Variants in MTMR1 observed in about 807,000 individuals in gnomAD.
The protein encoded by MTMR1 is phosphatidylinositol-3-phosphate phosphatase MTMR1.
A neutral mutation model predicts 51.6 loss-of-function variants in MTMR1; 17 were observed. The ratio of observed to expected loss-of-function variants is 0.33; its 90% CI spans 0.23 to 0.49. The LOEUF (loss-of-function observed/expected upper bound fraction) is 0.49. MTMR1 is among the 20% of genes least tolerant of loss of function. The pLI, the probability that MTMR1 is intolerant of heterozygous loss-of-function variation, is 0.99. For synonymous variants in MTMR1, 201 were observed against 205.6 expected (o/e 0.98, Z 0.19); for missense variants, 386 against 526.9 (o/e 0.73, Z 2.62).
At chrX:150,711,367 G>C (rs1178896411) in intron 2 of MTMR1, among the ~76,000 whole-genome samples, 1 of 112,271 alleles carries the variant, frequency 8.9e-6, no homozygotes, top group East Asian at 2.8e-4. Flanking sequence ...TGCATTCTGA[G>C]TGAAACCATA....
chrX:150,733,465 G>A (rs781892863), intron 10 of MTMR1, among the ~76,000 whole-genome samples: 6 of 110,860 alleles, frequency 5.4e-5, no homozygotes, highest in Non-Finnish European at 1.1e-4. Flanking sequence ...TCCTAAGGTT[G>A]AGACTGGATT....
chrX:150,751,235 C>G, intron 14 of MTMR1: 1 of 784,344 alleles, frequency 1.3e-6, no homozygotes, highest in Non-Finnish European at 1.5e-6. Flanking sequence ...AAAAAGCCCA[C>G]TTTAGGTAGC....
intron 1 of MTMR1, among the ~76,000 whole-genome samples, chrX:150,698,726 A>ACAC (rs1557415823): frequency 3.8e-5 from 4 of 106,545 alleles, no homozygotes; most frequent in African/African-American, 3.4e-5. Flanking sequence ...ACACACACAC[A>ACAC]AAAGCCGGGC....
intron 12 of MTMR1, among the ~76,000 whole-genome samples, chrX:150,742,834 A>AAAAAAAAAAAAAAAAAAAAG (rs1557417357): frequency 9.8e-6 from 1 of 101,889 alleles, no homozygotes; most frequent in African/African-American, 3.9e-5. Context: ...AAAAAAAAAA[A>AAAAAAAAAAAAAAAAAAAAG]AAAGAAAGAA....
At chrX:150,728,760 G>A (rs1402763018) in intron 6 of MTMR1, among the ~76,000 whole-genome samples, 2 of 110,363 alleles carry the variant, frequency 1.8e-5, no homozygotes, top group African/African-American at 3.3e-5. Context: ...GATCATCAGC[G>A]CCCCTTCCAA....
At chrX:150,714,526 TCAG>T in intron 3 of MTMR1, 2 of 981,088 alleles carry the variant, frequency 2.0e-6, no homozygotes, top group Non-Finnish European at 2.7e-6. Context: ...CTGAAGCTGA[TCAG>T]GTGGCAAGTT....
rs926191277 is a variant in MTMR1 at position 150,764,497 on chromosome X, C to T, written c.*1768C>T. On this transcript the variant is annotated 3_prime_UTR_variant, in exon 16 of 16. Coordinates refer to ENST00000445323, the MANE Select transcript of MTMR1 (RefSeq NM_001306144.3). ...ATTTTTTTTTTAATGGGGACATTTG[C>T]CATTTTCTTCCCAGAAATATGTAAT... 1 of 111,115 alleles carries T rather than the reference C, an allele frequency of 9.0e-6. No individual in the cohort carries two copies. Among genetic ancestry groups the T allele is most frequent in the South Asian group, 3.8e-4 (1 of 2,619 alleles). 9.2% of individuals were successfully genotyped at this position (111,115 alleles called of 1,213,427 possible).
At chrX:150,734,973 A>G (rs1448615268) in intron 10 of MTMR1, among the ~76,000 whole-genome samples, 5 of 112,439 alleles carry the variant, frequency 4.4e-5, no homozygotes, top group Non-Finnish European at 3.8e-5. Context: ...ATCTTGGAGT[A>G]GGGTTGGCCC....
rs10559430 is a variant in MTMR1 at position 150,698,971 on chromosome X, CTTTG to C, written c.147-219_147-216del. ...CTTAACTAACACCTAGAATCTTCAA[CTTTG>C]TTTGAGAAAATTGGGTGATTCATTT... On this transcript the variant is annotated intron_variant, in intron 1 of 15. Coordinates refer to ENST00000445323, the MANE Select transcript of MTMR1 (RefSeq NM_001306144.3). 0.14 allele frequency among the ~76,000 whole-genome samples: 15,735 copies of C among 111,216 alleles called. 936 individuals carry two copies. The highest frequency in any genetic ancestry group is 0.21 in the African/African-American group (6,344 of 30,520).
chrX:150,759,024 A>G (rs1400816260), intron 15 of MTMR1, among the ~76,000 whole-genome samples: 3 of 112,629 alleles, frequency 2.7e-5, no homozygotes, highest in Admixed American at 9.4e-5. Flanking sequence ...TCCCATTAGC[A>G]TCTTCTTTCC....
chrX:150,708,975 C>T (rs782604380), intron 2 of MTMR1, among the ~76,000 whole-genome samples: 1 of 111,373 alleles, frequency 9.0e-6, no homozygotes, highest in South Asian at 3.8e-4. Context: ...CCCTCAGCCT[C>T]AGTTTGGCAG....
intron 3 of MTMR1, among the ~76,000 whole-genome samples, chrX:150,715,046 C>T (rs997921303): frequency 8.9e-6 from 1 of 111,864 alleles, no homozygotes; most frequent in South Asian, 3.7e-4. Context: ...TTTAAAGCTG[C>T]AGTACTTTCC....
intron 14 of MTMR1, 40 bp downstream of exon 14, chrX:150,750,883 C>T (rs1393345474): frequency 9.3e-7 from 1 of 1,080,926 alleles, no homozygotes; most frequent in Non-Finnish European, 1.3e-6. Context: ...TTCCCTGTGG[C>T]TCAGGCACCT....
chrX:150,693,308 C>G (rs2040539284), upstream of MTMR1: 6 of 259,080 alleles, frequency 2.3e-5, no homozygotes, highest in Non-Finnish European at 3.2e-5. Context: ...GTTCCCGGCG[C>G]CGGCCCCGCG....
At chrX:150,740,785 C>T (rs781851819) in intron 12 of MTMR1, among the ~76,000 whole-genome samples, 30 of 111,122 alleles carry the variant, frequency 2.7e-4, no homozygotes, top group African/African-American at 9.8e-4. Context: ...CAGGCTGCTT[C>T]CACTCATGGT....
intron 1 of MTMR1, among the ~76,000 whole-genome samples, chrX:150,695,648 G>C (rs1366279326): frequency 8.9e-6 from 1 of 111,852 alleles, no homozygotes; most frequent in Non-Finnish European, 1.9e-5. Context: ...CAGGCTCTTC[G>C]CTCTGGACAT....
intron 14 of MTMR1, among the ~76,000 whole-genome samples, chrX:150,752,499 A>G (rs2042773772): frequency 8.9e-6 from 1 of 111,857 alleles, no homozygotes; most frequent in Non-Finnish European, 1.9e-5. Flanking sequence ...TAATAAAAAG[A>G]AAAACATTTT....
At chrX:150,754,234 T>A (rs1779854484) in intron 14 of MTMR1, among the ~76,000 whole-genome samples, 1 of 113,319 alleles carries the variant, frequency 8.8e-6, no homozygotes, top group Non-Finnish European at 1.9e-5. Flanking sequence ...AGCTTTGTGG[T>A]AAGTTTTGAA....
At chrX:150,708,877 C>T (rs2041210892) in intron 2 of MTMR1, among the ~76,000 whole-genome samples, 2 of 111,759 alleles carry the variant, frequency 1.8e-5, no homozygotes, top group Middle Eastern at 4.6e-3. Flanking sequence ...GTGTGTGGTT[C>T]GCCTGAGGTC....
Sources: gnomAD v4.1 joint callset for allele counts (sites outside exome capture counted in the v4.1 genomes callset) on GRCh38, gnomAD v4.1.1 for gene constraint, MANE v1.5 for transcripts, NCBI Gene and HGNC (gene_info 2026-07-23, HGNC 2026-07-21) for gene names.